The following SEMA3C variants were observed in gnomAD, a reference collection of about 807,000 sequenced individuals.
The protein encoded by SEMA3C is semaphorin-3C.
Under a neutral mutation model 89.4 loss-of-function variants are expected in SEMA3C, and 47 were observed. The ratio of observed to expected loss-of-function variants is 0.53; its 90% CI spans 0.42 to 0.67. SEMA3C has a LOEUF of 0.67. SEMA3C is among the 30% of genes least tolerant of loss of function. The pLI is 0.00. For missense variants in SEMA3C, 839 were observed against 929.1 expected (o/e 0.90, Z 1.26); for synonymous variants, 310 against 320.2 (o/e 0.97, Z 0.34).
chr7:80,864,311 G>C (rs1441329369), intron 2 of SEMA3C, among the ~76,000 whole-genome samples: 2 of 151,468 alleles, frequency 1.3e-5, no homozygotes, highest in African/African-American at 4.9e-5. Flanking sequence ...TCAGGTGATG[G>C]GTGCACCAGA....
chr7:80,900,577 G>A (rs1231510226), intron 2 of SEMA3C, among the ~76,000 whole-genome samples: 3 of 152,168 alleles, frequency 2.0e-5, no homozygotes, highest in Admixed American at 6.5e-5. Context: ...GAGTTACATG[G>A]CTAGTAAGTG....
At chr7:80,814,576 A>T (rs956493047) in intron 5 of SEMA3C, among the ~76,000 whole-genome samples, 1 of 151,896 alleles carries the variant, frequency 6.6e-6, no homozygotes, top group East Asian at 1.9e-4. Flanking sequence ...ACGTGTATAT[A>T]CTCAGTCTTA....
chr7:80,825,198 C>T (rs1027655541), intron 4 of SEMA3C, among the ~76,000 whole-genome samples: 1 of 151,992 alleles, frequency 6.6e-6, no homozygotes, highest in African/African-American at 2.4e-5. Context: ...TTCCCATAGC[C>T]TAAGTAAAGG....
At chr7:80,861,691 AG>A (rs1181177421) in intron 2 of SEMA3C, among the ~76,000 whole-genome samples, 2 of 152,202 alleles carry the variant, frequency 1.3e-5, no homozygotes, top group Non-Finnish European at 2.9e-5. Flanking sequence ...TTTTTGCGTA[AG>A]TATTCTTCAC....
intron 2 of SEMA3C, among the ~76,000 whole-genome samples, chr7:80,850,548 A>T (rs1167513447): frequency 2.0e-5 from 3 of 152,228 alleles, no homozygotes; most frequent in Non-Finnish European, 2.9e-5. Context: ...TAAAGTTCAA[A>T]AAAAGGCAAA....
At chr7:80,759,840 G>T (rs985665366) in intron 14 of SEMA3C, among the ~76,000 whole-genome samples, 3 of 152,098 alleles carry the variant, frequency 2.0e-5, no homozygotes, top group Admixed American at 6.5e-5. Flanking sequence ...ATAACCATTT[G>T]TCCAGGCACA....
At chr7:80,873,153 A>G (rs1791111518) in intron 2 of SEMA3C, among the ~76,000 whole-genome samples, 1 of 152,174 alleles carries the variant, frequency 6.6e-6, no homozygotes, top group Admixed American at 6.5e-5. Context: ...ATAAAAAGCA[A>G]AAAGCGTACA....
At chr7:80,814,576 A>G (rs956493047) in intron 5 of SEMA3C, among the ~76,000 whole-genome samples, 3 of 151,896 alleles carry the variant, frequency 2.0e-5, no homozygotes, top group African/African-American at 7.3e-5. Flanking sequence ...ACGTGTATAT[A>G]CTCAGTCTTA....
chr7:80,868,083 T>C (rs943162006), intron 2 of SEMA3C, among the ~76,000 whole-genome samples: 1 of 152,166 alleles, frequency 6.6e-6, no homozygotes, highest in Non-Finnish European at 1.5e-5. Context: ...TTTAACAATG[T>C]AGATCAAGCT....
At chr7:80,858,230 TCA>T in intron 2 of SEMA3C, among the ~76,000 whole-genome samples, 1 of 152,122 alleles carries the variant, frequency 6.6e-6, no homozygotes, top group East Asian at 1.9e-4. Flanking sequence ...AACTACTAGA[TCA>T]CAGTTTCTTT....
intron 2 of SEMA3C, among the ~76,000 whole-genome samples, chr7:80,889,154 C>T (rs530360342): frequency 2.0e-5 from 3 of 152,334 alleles, no homozygotes; most frequent in Admixed American, 6.5e-5. Context: ...TAAGCCACCA[C>T]GCTCGGCCAT....
At chr7:80,824,357 G>A (rs1789823128) in intron 4 of SEMA3C, among the ~76,000 whole-genome samples, 4 of 152,020 alleles carry the variant, frequency 2.6e-5, no homozygotes, top group Admixed American at 6.6e-5. Flanking sequence ...TGTCCTACCC[G>A]CAAGCCCTGA....
chr7:80,805,546 A>C, intron 7 of SEMA3C, 93 bp downstream of exon 7: 1 of 1,056,938 alleles, frequency 9.5e-7, no homozygotes, highest in Non-Finnish European at 1.3e-6. Flanking sequence ...CTGCTATTTT[A>C]GTTTTTAACC....
chr7:80,766,525 A>G (rs559564053), intron 12 of SEMA3C, among the ~76,000 whole-genome samples: 48 of 152,344 alleles, frequency 3.2e-4, no homozygotes, highest in Non-Finnish European at 5.7e-4. Context: ...TAAACTCCAA[A>G]AAATTCTGTA....
At chr7:80,922,358 G>T, upstream of SEMA3C, 1 of 1,183,684 alleles carries the variant, frequency 8.4e-7, no homozygotes, top group Non-Finnish European at 1.1e-6. Flanking sequence ...TTCCTGAACT[G>T]TATCTTTGGA....
upstream of SEMA3C, chr7:80,919,256 C>G (rs1340973510): frequency 7.1e-6 from 7 of 984,852 alleles, no homozygotes; most frequent in Admixed American, 6.2e-5. Context: ...GCGGACCGGG[C>G]GGGGCCGACC....
intron 2 of SEMA3C, among the ~76,000 whole-genome samples, chr7:80,893,623 G>A (rs1329215502): frequency 1.3e-5 from 2 of 152,036 alleles, no homozygotes; most frequent in African/African-American, 4.8e-5. Flanking sequence ...TACAGTAGGT[G>A]CTCAAGAAGA....
intron 2 of SEMA3C, among the ~76,000 whole-genome samples, chr7:80,890,656 G>T (rs1391537302): frequency 6.6e-6 from 1 of 152,102 alleles, no homozygotes; most frequent in African/African-American, 2.4e-5. Flanking sequence ...CAAAGTTCAT[G>T]GAGCTCCAAA....
intron 2 of SEMA3C, among the ~76,000 whole-genome samples, chr7:80,897,954 T>C (rs1281229377): frequency 2.6e-5 from 4 of 152,234 alleles, no homozygotes; most frequent in Non-Finnish European, 5.9e-5. Flanking sequence ...AGTTAGAGCC[T>C]GGCATGCCTT....
Sources: allele counts gnomAD v4.1 joint callset (sites outside exome capture counted in the v4.1 genomes callset), GRCh38; gene constraint gnomAD v4.1.1; transcripts MANE v1.5; gene names NCBI Gene and HGNC (gene_info 2026-07-23, HGNC 2026-07-21).